NBEA: variants seen among roughly 807,000 people sequenced by gnomAD.
NBEA encodes lysosomal-trafficking regulator 2.
A neutral mutation model predicts 343.4 loss-of-function variants in NBEA; 44 were observed. That is an observed-to-expected ratio of 0.13 (90% CI 0.10 to 0.16). The LOEUF (loss-of-function observed/expected upper bound fraction) is 0.16. NBEA is among the 10% of genes least tolerant of loss of function. NBEA has a pLI of 1.00. For synonymous variants in NBEA, 1,175 were observed against 1,238.7 expected (o/e 0.95, Z 1.08); for missense variants, 2,555 against 3,631.3 (o/e 0.70, Z 7.62).
intron 39 of NBEA, among the ~76,000 whole-genome samples, chr13:35,448,706 G>C (rs1318115511): frequency 6.6e-6 from 1 of 152,190 alleles, no homozygotes; most frequent in Non-Finnish European, 1.5e-5. Context: ...TACGAGGTAT[G>C]GTGGAAGCAT....
In NBEA at chr13:35,404,604, G is replaced by A. The variant is rs1355472895; in HGVS notation, c.6180-27665G>A. Among the ~76,000 whole-genome samples, 4 of 118,408 alleles carry A rather than the reference G, an allele frequency of 3.4e-5. No homozygotes were observed. The East Asian group carries it at 1.1e-3, about 34-fold the overall frequency. 77.7% of individuals were successfully genotyped at this position (118,408 alleles called of 152,430 possible). ...AACATCACACTCTGGGGACTGTTGT[G>A]GGGTGGGGGGAGGGGGGAGGGATAG... On this transcript the variant is annotated intron_variant, in intron 38 of 58. Transcript: ENST00000379939.
At chr13:35,083,637 C>A (rs1371317909) in intron 10 of NBEA, among the ~76,000 whole-genome samples, 6 of 152,192 alleles carry the variant, frequency 3.9e-5, no homozygotes, top group Admixed American at 2.0e-4. Context: ...ACAACTGGTA[C>A]CAGCCACTGC....
intron 43 of NBEA, among the ~76,000 whole-genome samples, chr13:35,552,254 A>G (rs2079362800): frequency 6.6e-6 from 1 of 152,222 alleles, no homozygotes; most frequent in African/African-American, 2.4e-5. Flanking sequence ...TTTAATCTAC[A>G]GGACCTAACA....
At chr13:35,252,311 C>G (rs1455854743) in intron 34 of NBEA, among the ~76,000 whole-genome samples, 3 of 152,180 alleles carry the variant, frequency 2.0e-5, no homozygotes, top group African/African-American at 7.2e-5. Flanking sequence ...TGGGAGAAAT[C>G]ACCCCCATGA....
Position 34,943,058 on chromosome 13 carries a change from C to G in NBEA, c.238C>G (p.Leu80Val). Reference protein sequence around the residue: ...IRMKFAVLIGLIQVGEVSNRD... With the variant: ...IRMKFAVLIGVIQVGEVSNRD... ...GATGAAATTCGCAGTGTTGATTGGA[C>G]TCATACAGGTCGGAGAGGTCAGCAA... Residue 80 changes from leucine (L) to valine (V), a missense_variant, in exon 1 of 59, where the codon CTC becomes GTC. Physicochemically the swap from Leu to Val is conservative, Grantham distance 32. This residue lies in a region of NBEA where 185 missense variants were observed against 290.6 expected (regional missense o/e 0.64). Coordinates refer to ENST00000379939, the MANE Select transcript of NBEA (RefSeq NM_001385012.1). 1 of 1,613,694 alleles carries G rather than the reference C, an allele frequency of 6.2e-7. No homozygotes were observed. The highest frequency in any genetic ancestry group is 2.2e-5 in the East Asian group (1 of 44,778).
At chr13:35,090,503 G>T (rs1179330265) in intron 10 of NBEA, among the ~76,000 whole-genome samples, 1 of 151,944 alleles carries the variant, frequency 6.6e-6, no homozygotes, top group Non-Finnish European at 1.5e-5. Context: ...ATGGTTCTTG[G>T]TTAGAATTAT....
intron 41 of NBEA, among the ~76,000 whole-genome samples, chr13:35,544,808 G>T (rs1368876334): frequency 2.6e-5 from 4 of 152,126 alleles, no homozygotes; most frequent in Non-Finnish European, 2.9e-5. Context: ...TTGGGGTCAA[G>T]ATGCTTTAAT....
intron 41 of NBEA, among the ~76,000 whole-genome samples, chr13:35,528,455 A>G (rs1413725590): frequency 2.0e-5 from 3 of 152,224 alleles, no homozygotes; most frequent in Admixed American, 6.5e-5. Context: ...AAAAACTACA[A>G]TTGTAGGCAA....
At chr13:35,338,397 A>G (rs1287195810) in intron 36 of NBEA, among the ~76,000 whole-genome samples, 1 of 152,078 alleles carries the variant, frequency 6.6e-6, no homozygotes, top group Non-Finnish European at 1.5e-5. Flanking sequence ...ACACTAAACT[A>G]AAACTGACTG....
At chr13:35,126,598 G>A (rs548109818) in intron 17 of NBEA, among the ~76,000 whole-genome samples, 18 of 152,060 alleles carry the variant, frequency 1.2e-4, no homozygotes, top group Middle Eastern at 3.4e-3. Context: ...GAAAATGAGC[G>A]ACATGGGAGA....
intron 17 of NBEA, among the ~76,000 whole-genome samples, chr13:35,139,773 A>C (rs371358342): frequency 2.1e-5 from 1 of 47,988 alleles, no homozygotes; most frequent in Non-Finnish European, 4.1e-5. Flanking sequence ...TTTTTTTTTT[A>C]TCTCTTGACT....
chr13:35,644,263 G>A (rs1342832549), intron 49 of NBEA, among the ~76,000 whole-genome samples: 7 of 152,120 alleles, frequency 4.6e-5, no homozygotes, highest in South Asian at 2.1e-4. Flanking sequence ...TCACAATCTC[G>A]TCTTTATCCT....
At chr13:35,584,120 G>C (rs571714327) in intron 46 of NBEA, 82 bp downstream of exon 46, 1 of 1,269,702 alleles carries the variant, frequency 7.9e-7, no homozygotes, top group Admixed American at 1.9e-5. Flanking sequence ...CAAATCAGTT[G>C]TAATTTGATT....
chr13:35,253,318 A>T (rs1397797248), intron 34 of NBEA, among the ~76,000 whole-genome samples: 1 of 152,212 alleles, frequency 6.6e-6, no homozygotes, highest in East Asian at 1.9e-4. Context: ...TTTTCCAAAA[A>T]CGTGCTCACT....
intron 17 of NBEA, among the ~76,000 whole-genome samples, chr13:35,126,919 C>CAAA (rs780669899): frequency 1.7e-5 from 1 of 58,550 alleles, no homozygotes; most frequent in African/African-American, 6.3e-5. Flanking sequence ...GACTCCATCT[C>CAAA]AAAAAAAAAA....
chr13:35,649,322 A>G (rs1388915060), intron 51 of NBEA, among the ~76,000 whole-genome samples: 1 of 152,214 alleles, frequency 6.6e-6, no homozygotes, highest in Non-Finnish European at 1.5e-5. Flanking sequence ...TTTAAGCTGC[A>G]TTGCATAACT....
chr13:35,028,770 C>T (rs2062100379), intron 1 of NBEA, among the ~76,000 whole-genome samples: 1 of 151,028 alleles, frequency 6.6e-6, no homozygotes, highest in Non-Finnish European at 1.5e-5. Context: ...TTAGGCAATA[C>T]CCCCACATTT....
intron 41 of NBEA, among the ~76,000 whole-genome samples, chr13:35,510,938 T>C (rs1328408217): frequency 2.0e-5 from 3 of 152,190 alleles, no homozygotes; most frequent in Admixed American, 6.5e-5. Flanking sequence ...AAAATTCATT[T>C]TCCTCATTTT....
intron 41 of NBEA, among the ~76,000 whole-genome samples, chr13:35,519,588 A>G (rs2077617707): frequency 2.0e-5 from 3 of 152,212 alleles, no homozygotes; most frequent in Non-Finnish European, 4.4e-5. Context: ...TGTAATGTAG[A>G]CATGAATATT....
Sources: gnomAD v4.1 joint callset for allele counts (sites outside exome capture counted in the v4.1 genomes callset) on GRCh38, gnomAD v4.1.1 for gene constraint, gnomAD v4.1.1 regional missense constraint, MANE v1.5 for transcripts, NCBI Gene and HGNC (gene_info 2026-07-23, HGNC 2026-07-21) for gene names.